ERC2: variants seen among roughly 807,000 people sequenced by gnomAD.
ERC2 encodes ELKS/RAB6-interacting/CAST family member 2, also known as ERC protein 2.
ERC2 carries 42 observed loss-of-function variants against 114.8 expected under a neutral mutation model. The observed-to-expected ratio is 0.37, with a 90% CI of 0.29 to 0.47. ERC2 has a LOEUF of 0.47. ERC2 is among the 20% of genes least tolerant of loss of function. ERC2 has a pLI of 0.99. For synonymous variants in ERC2, 454 were observed against 425.5 expected (o/e 1.07, Z -0.82); for missense variants, 939 against 1,150.7 (o/e 0.82, Z 2.66).
In ERC2 at chr3:55,650,713, C is replaced by T. The variant is rs2060581631; in HGVS notation, c.*39+33081G>A. ...ATTAAATGAATGAAGAAATTCTCTT[C>T]CAGAAAAAAAGCCTGCTTACCCCTT... On this transcript the variant is annotated intron_variant, in intron 17 of 17. Coordinates refer to ENST00000288221, the MANE Select transcript of ERC2 (RefSeq NM_015576.3). Among the ~76,000 whole-genome samples the T allele has an allele frequency of 2.0e-5, 3 of 152,182 alleles. No individual in the cohort carries two copies. In the South Asian group the frequency reaches 6.2e-4, roughly 31 times the overall value.
At chr3:55,589,358 G>A (rs189134406) in intron 17 of ERC2, among the ~76,000 whole-genome samples, 140 of 152,234 alleles carry the variant, frequency 9.2e-4, no homozygotes, top group Non-Finnish European at 1.7e-3. Flanking sequence ...CTGTGATGGT[G>A]ACTCTGTGAG....
At chr3:55,785,760 T>G (rs983261733) in intron 14 of ERC2, among the ~76,000 whole-genome samples, 45 of 152,210 alleles carry the variant, frequency 3.0e-4, no homozygotes, top group African/African-American at 9.6e-4. Context: ...TGCACCATCT[T>G]CAGCTCACAG....
intron 17 of ERC2, among the ~76,000 whole-genome samples, chr3:55,547,297 A>G (rs1030944573): frequency 6.6e-6 from 1 of 152,166 alleles, no homozygotes; most frequent in Admixed American, 6.5e-5. Flanking sequence ...CCAGGTCTGG[A>G]TAGTTCAGCC....
chr3:56,233,970 C>G (rs1187359819), intron 3 of ERC2, among the ~76,000 whole-genome samples: 8 of 152,192 alleles, frequency 5.3e-5, no homozygotes, highest in East Asian at 1.9e-4. Flanking sequence ...ATCTTACAAT[C>G]TTTAATTAAA....
At chr3:55,590,510 C>T (rs547591422) in intron 17 of ERC2, among the ~76,000 whole-genome samples, 105 of 152,272 alleles carry the variant, frequency 6.9e-4, no homozygotes, top group Non-Finnish European at 1.3e-3. Flanking sequence ...ATCAAAAGGA[C>T]ATAACTGAAT....
intron 7 of ERC2, among the ~76,000 whole-genome samples, chr3:56,040,672 A>ATG: frequency 7.5e-6 from 1 of 133,340 alleles, no homozygotes; most frequent in Non-Finnish European, 1.6e-5. Context: ...ACATATATAG[A>ATG]TAGATACATA....
At position 55,611,678 on chromosome 3, in the gene ERC2, A is replaced by G. The variant is rs117251627; in HGVS notation, c.*39+72116T>C. ...TCGGCTATCCCATGCTGTCCCCTCA[A>G]TCTCCAACTGCCCTCCTTTCTCTCC... is the stretch of plus-strand genomic sequence containing the variant. On this transcript the variant is annotated intron_variant, in intron 17 of 17. Coordinates refer to ENST00000288221, the MANE Select transcript of ERC2 (RefSeq NM_015576.3). Among the ~76,000 whole-genome samples the G allele has an allele frequency of 1.9e-3, 287 of 152,164 alleles. 8 individuals are homozygous for G. The East Asian group carries it at 0.047, about 25-fold the overall frequency.
intron 2 of ERC2, among the ~76,000 whole-genome samples, chr3:56,330,810 T>C (rs2057575033): frequency 6.6e-6 from 1 of 152,224 alleles, no homozygotes; most frequent in African/African-American, 2.4e-5. Context: ...ACTCCACCTT[T>C]AATACAAATA....
intron 14 of ERC2, among the ~76,000 whole-genome samples, chr3:55,752,631 T>C (rs908910541): frequency 2.0e-5 from 3 of 152,164 alleles, no homozygotes; most frequent in African/African-American, 7.2e-5. Flanking sequence ...ACTAACTCAT[T>C]TGAGCTGCAC....
chr3:56,249,257 T>G (rs1412333066), intron 3 of ERC2, among the ~76,000 whole-genome samples: 4 of 152,226 alleles, frequency 2.6e-5, no homozygotes, highest in African/African-American at 4.8e-5. Flanking sequence ...ATACATATGC[T>G]GGTAAAACAT....
intron 13 of ERC2, among the ~76,000 whole-genome samples, chr3:55,949,962 G>GTGTCTGAGC (rs1190429188): frequency 9.9e-5 from 15 of 152,164 alleles, no homozygotes; most frequent in African/African-American, 3.6e-4. Context: ...ATAATGATCT[G>GTGTCTGAGC]TGTCTGAGCT....
At chr3:55,572,697 C>G (rs1245698872) in intron 17 of ERC2, among the ~76,000 whole-genome samples, 3 of 152,102 alleles carry the variant, frequency 2.0e-5, no homozygotes, top group Non-Finnish European at 4.4e-5. Context: ...AGGGTGGGGC[C>G]AGGTGTAAAC....
intron 2 of ERC2, among the ~76,000 whole-genome samples, chr3:56,332,498 T>C (rs1033932669): frequency 3.9e-5 from 6 of 152,302 alleles, no homozygotes; most frequent in South Asian, 4.1e-4. Flanking sequence ...AGCAGAGCCA[T>C]GATTTCTACC....
chr3:55,552,052 C>G (rs1296591985), intron 17 of ERC2, among the ~76,000 whole-genome samples: 1 of 152,210 alleles, frequency 6.6e-6, no homozygotes, highest in Non-Finnish European at 1.5e-5. Context: ...AACTGCAAGG[C>G]ATGCCCATAG....
intron 3 of ERC2, among the ~76,000 whole-genome samples, chr3:56,187,048 G>T (rs2083668363): frequency 1.3e-5 from 2 of 152,174 alleles, no homozygotes; most frequent in South Asian, 2.1e-4. Context: ...GGGAAGTTAA[G>T]CAAGGGTGTT....
intron 17 of ERC2, among the ~76,000 whole-genome samples, chr3:55,602,233 T>C (rs534414335): frequency 2.0e-4 from 31 of 152,272 alleles, no homozygotes; most frequent in Admixed American, 1.6e-3. Context: ...CAGAAGGACA[T>C]GTGAGACCTG....
chr3:56,369,680 C>T (rs2059288778), intron 2 of ERC2, among the ~76,000 whole-genome samples: 1 of 144,562 alleles, frequency 6.9e-6, no homozygotes, highest in Admixed American at 6.9e-5. Context: ...CTGGATACTA[C>T]TTTTTTTTTT....
At chr3:55,546,963 T>C (rs2054798924) in intron 17 of ERC2, among the ~76,000 whole-genome samples, 1 of 152,226 alleles carries the variant, frequency 6.6e-6, no homozygotes, top group South Asian at 2.1e-4. Flanking sequence ...GCACTTTCTC[T>C]GGAACAGAGT....
intron 15 of ERC2, among the ~76,000 whole-genome samples, chr3:55,730,074 A>T (rs138450530): frequency 5.9e-5 from 9 of 152,052 alleles, no homozygotes; most frequent in Middle Eastern, 3.4e-3. Flanking sequence ...GAACCACTGG[A>T]ACTGGGTTTC....
Sources: allele counts gnomAD v4.1 joint callset (sites outside exome capture counted in the v4.1 genomes callset), GRCh38; gene constraint gnomAD v4.1.1; transcripts MANE v1.5; gene names NCBI Gene and HGNC (gene_info 2026-07-23, HGNC 2026-07-21).